Variants in THSD7B observed in about 807,000 individuals in gnomAD.
THSD7B encodes the protein thrombospondin type 1 domain containing 7B, also known as thrombospondin type-1 domain-containing protein 7B.
A neutral mutation model predicts 213.6 loss-of-function variants in THSD7B; 138 were observed. The ratio of observed to expected loss-of-function variants is 0.65; its 90% confidence interval spans 0.56 to 0.74. THSD7B has a LOEUF of 0.74. Ranked by LOEUF, THSD7B falls within the 30% of genes least tolerant of loss-of-function variation. The probability of loss-of-function intolerance (pLI) is 0.00; values close to 1 mark genes in which losing one functional copy is unlikely to be tolerated. For synonymous variants in THSD7B, 742 were observed against 687.0 expected (o/e 1.08, Z -1.25); for missense variants, 1,931 against 1,991.5 (o/e 0.97, Z 0.58).
At chr2:137,106,606 G>A (rs1353509522) in intron 4 of THSD7B, among the ~76,000 whole-genome samples, 1 of 152,136 alleles carries the variant, frequency 6.6e-6, no homozygotes, top group Non-Finnish European at 1.5e-5. Context: ...GAGTGAACAG[G>A]AAACCTACAG....
intron 22 of THSD7B, 113 bp downstream of exon 22, chr2:137,655,773 T>C (rs1407309995): frequency 1.6e-6 from 2 of 1,267,150 alleles, no homozygotes; most frequent in African/African-American, 3.0e-5. Context: ...TAAATAACTT[T>C]AATTCATTTT....
intron 9 of THSD7B, 24 bp from the exon 10 acceptor site, chr2:137,242,433 G>A (rs762662703): frequency 6.3e-7 from 1 of 1,584,364 alleles, no homozygotes; most frequent in South Asian, 1.1e-5. Context: ...AAAAGGCATT[G>A]ACATGGTCTT....
At chr2:137,655,742 G>A in intron 22 of THSD7B, 82 bp downstream of exon 22, 2 of 1,416,980 alleles carry the variant, frequency 1.4e-6, no homozygotes, top group Non-Finnish European at 1.9e-6. Flanking sequence ...AGATGCTCTA[G>A]CTCATCAAAA....
intron 12 of THSD7B, among the ~76,000 whole-genome samples, chr2:137,327,385 A>G (rs940119316): frequency 6.6e-6 from 1 of 152,236 alleles, no homozygotes; most frequent in African/African-American, 2.4e-5. Context: ...TGTTTATAAT[A>G]TGATATCAAG....
rs71301798 is a variant in THSD7B at position 136,895,514 on chromosome 2, CT to C, written c.139+13223del. Among the ~76,000 whole-genome samples the C allele has an allele frequency of 9.8e-3, 724 of 73,880 alleles. 4 individuals carry two copies. Among genetic ancestry groups the C allele is most frequent in the African/African-American group, 0.025 (505 of 20,286 alleles). 48.5% of individuals were successfully genotyped at this position (73,880 alleles called of 152,430 possible). On this transcript the variant is annotated intron_variant, in intron 2 of 27. Transcript: ENST00000409968. ...ACCAATGTTTTATGCCAAGTGGAGA[CT>C]TTTTTTTTTTTTTTTTTTTTTTTTT...
intron 1 of THSD7B, among the ~76,000 whole-genome samples, chr2:136,779,740 G>A (rs1206993211): frequency 2.0e-5 from 3 of 152,164 alleles, no homozygotes; most frequent in African/African-American, 4.8e-5. Flanking sequence ...TTTTCAACAT[G>A]TGATACATGG....
intron 17 of THSD7B, among the ~76,000 whole-genome samples, chr2:137,612,654 G>A (rs1682310051): frequency 6.6e-6 from 1 of 152,022 alleles, no homozygotes; most frequent in African/African-American, 2.4e-5. Context: ...AGCACTATTA[G>A]GTCAATGTTT....
intron 15 of THSD7B, among the ~76,000 whole-genome samples, chr2:137,460,584 G>A (rs1336511877): frequency 6.6e-6 from 1 of 152,088 alleles, no homozygotes; most frequent in East Asian, 1.9e-4. Context: ...TATGGAAGCA[G>A]TCTGTTTTAT....
rs918890332 is a variant in THSD7B, at chr2:137,621,076, A to C, written c.3799+350A>C. ...TCTACTATACCACATAAACCCCCAA[A>C]GCACACCCTAGGCTGAGCATAATAG... On this transcript the variant is annotated intron_variant, in intron 20 of 27. Transcript: ENST00000409968. Among the ~76,000 whole-genome samples the C allele has an allele frequency of 4.6e-5, 7 of 152,242 alleles. No homozygotes were observed. The East Asian group carries it at 1.3e-3, about 29-fold the overall frequency.
chr2:137,088,850 G>A (rs1160335434), intron 3 of THSD7B, among the ~76,000 whole-genome samples: 1 of 151,868 alleles, frequency 6.6e-6, no homozygotes, highest in African/African-American at 2.4e-5. Flanking sequence ...TATACAAATG[G>A]CCAACAAACA....
rs921055182 is a variant in THSD7B at position 137,358,922 on chromosome 2, C to T, written c.2501-46691C>T. Among the ~76,000 whole-genome samples the T allele has an allele frequency of 5.9e-5, 9 of 152,214 alleles. No individual in the cohort carries two copies. In the East Asian group the frequency reaches 1.7e-3, roughly 29 times the overall value. ...TGTGAATGTTTGTGTTTGTAGGCTC[C>T]CTGAGTGCCTGCAGCTTTGTTAAAA... On this transcript the variant is annotated intron_variant, in intron 12 of 27. Coordinates refer to ENST00000409968, the MANE Select transcript of THSD7B (RefSeq NM_001316349.2).
chr2:136,830,480 A>C (rs1682735002), intron 1 of THSD7B, among the ~76,000 whole-genome samples: 1 of 152,080 alleles, frequency 6.6e-6, no homozygotes, highest in Non-Finnish European at 1.5e-5. Flanking sequence ...TGCCTTCATT[A>C]TTCAGTTTAC....
chr2:136,955,461 A>G (rs1192135754), intron 2 of THSD7B, among the ~76,000 whole-genome samples: 1 of 152,198 alleles, frequency 6.6e-6, no homozygotes, highest in Non-Finnish European at 1.5e-5. Flanking sequence ...ATAGCTTCTC[A>G]TGCTCTTTAA....
intron 2 of THSD7B, among the ~76,000 whole-genome samples, chr2:136,976,672 C>T (rs7587475): frequency 0.39 from 59,107 of 151,162 alleles, 13,060 homozygotes; most frequent in East Asian, 0.66. Flanking sequence ...CTCGCTCTGT[C>T]GCTCAGTGGT....
intron 2 of THSD7B, among the ~76,000 whole-genome samples, chr2:136,949,263 G>A (rs13407915): frequency 0.074 from 11,275 of 152,146 alleles, 673 homozygotes; most frequent in African/African-American, 0.16. Flanking sequence ...ACCACAAAAT[G>A]TAAGTCTCAG....
At chr2:136,819,259 C>T (rs1682532728) in intron 1 of THSD7B, among the ~76,000 whole-genome samples, 1 of 152,184 alleles carries the variant, frequency 6.6e-6, no homozygotes, top group Admixed American at 6.5e-5. Context: ...AATTATGTAA[C>T]TGCAGTAATA....
chr2:137,267,317 A>C (rs1050941115), intron 10 of THSD7B, among the ~76,000 whole-genome samples: 4 of 152,222 alleles, frequency 2.6e-5, no homozygotes, highest in African/African-American at 4.8e-5. Context: ...GCAAACAGGC[A>C]CTTTAATTTA....
At chr2:137,513,459 C>A (rs1385176359) in intron 15 of THSD7B, among the ~76,000 whole-genome samples, 1 of 152,060 alleles carries the variant, frequency 6.6e-6, no homozygotes, top group African/African-American at 2.4e-5. Flanking sequence ...AAGATAAAAT[C>A]TTCTAATAAT....
At chr2:136,912,776 A>G (rs1019231820) in intron 2 of THSD7B, among the ~76,000 whole-genome samples, 1 of 151,916 alleles carries the variant, frequency 6.6e-6, no homozygotes, top group Non-Finnish European at 1.5e-5. Context: ...AGTACCTTTC[A>G]CCTCCTGCCA....
Sources: gnomAD v4.1 joint callset for allele counts (sites outside exome capture counted in the v4.1 genomes callset) on GRCh38, gnomAD v4.1.1 for gene constraint, MANE v1.5 for transcripts, NCBI Gene and HGNC (gene_info 2026-07-23, HGNC 2026-07-21) for gene names.